Variants in PMFBP1 observed in about 807,000 individuals in gnomAD.
PMFBP1 encodes polyamine-modulated factor 1-binding protein 1.
Under a neutral mutation model 137.8 loss-of-function variants are expected in PMFBP1, and 131 were observed. That is an observed-to-expected ratio of 0.95 (90% confidence interval 0.82 to 1.10). The LOEUF is 1.10. Ranked by LOEUF, PMFBP1 falls within the 50% of genes least tolerant of loss-of-function variation. The pLI is 0.00. For missense variants in PMFBP1, 1,199 were observed against 1,175.4 expected (o/e 1.02, Z -0.29); for synonymous variants, 490 against 450.4 (o/e 1.09, Z -1.11).
Position 72,129,182 on chromosome 16 carries a change from C to T in PMFBP1, c.1834G>A (p.Ala612Thr). The change falls in exon 13 of 21, where the codon GCC becomes ACC. Residue 612 changes from alanine (A) to threonine (T), a missense_variant. Ala to Thr is a moderately conservative substitution (Grantham distance 58). Transcript: ENST00000237353. Reference protein sequence around the residue: ...KCKLEEDLQEATKLLEDKREQ... With the variant: ...KCKLEEDLQETTKLLEDKREQ... ...CGTTTGTCCTCCAGAAGCTTTGTGG[C>T]CTCCTGAAGATCTTCTTCTAACTTG... is the stretch of plus-strand genomic sequence containing the variant. The T allele has an allele frequency of 6.2e-7, 1 of 1,614,096 alleles. No individual in the cohort carries two copies. The highest frequency in any genetic ancestry group is 8.5e-7 in the Non-Finnish European group (1 of 1,180,054).
the PMFBP1 span, among the ~76,000 whole-genome samples, chr16:72,229,450 G>C: frequency 6.6e-6 from 1 of 152,172 alleles, no homozygotes; most frequent in Non-Finnish European, 1.5e-5. Flanking sequence ...CACAAGGGCT[G>C]AACTAATTTA....
chr16:72,211,534 A>T, the PMFBP1 span, among the ~76,000 whole-genome samples: 2 of 152,194 alleles, frequency 1.3e-5, no homozygotes, highest in African/African-American at 4.8e-5. Flanking sequence ...AAACCTCTGA[A>T]TGAAAGGAAA....
the PMFBP1 span, among the ~76,000 whole-genome samples, chr16:72,237,645 A>G: frequency 3.3e-5 from 5 of 151,786 alleles, no homozygotes; most frequent in Admixed American, 6.6e-5. Context: ...TCTTTTTTTT[A>G]AAAAAACTTT....
upstream of PMFBP1, among the ~76,000 whole-genome samples, chr16:72,175,124 A>G (rs2043253623): frequency 6.6e-6 from 1 of 152,246 alleles, no homozygotes; most frequent in South Asian, 2.1e-4. Context: ...AAGAGGACAG[A>G]ATGCTCACTT....
the PMFBP1 span, among the ~76,000 whole-genome samples, chr16:72,185,030 T>TC: frequency 6.6e-6 from 1 of 151,324 alleles, no homozygotes; most frequent in East Asian, 1.9e-4. Flanking sequence ...CTGTTTTCTT[T>TC]TTTTTTTTTT....
the PMFBP1 span, among the ~76,000 whole-genome samples, chr16:72,198,747 T>A: frequency 6.6e-6 from 1 of 152,120 alleles, no homozygotes; most frequent in South Asian, 2.1e-4. Context: ...GGCAAACCCG[T>A]GGATCGGTGA....
At chr16:72,162,055 T>C (rs1221464614) in intron 3 of PMFBP1, among the ~76,000 whole-genome samples, 6 of 152,252 alleles carry the variant, frequency 3.9e-5, no homozygotes, top group Middle Eastern at 3.2e-3. Flanking sequence ...GAATGGAGCC[T>C]GGGAAAATTG....
At chr16:72,119,635 A>AG in intron 20 of PMFBP1, 2 of 1,443,770 alleles carry the variant, frequency 1.4e-6, no homozygotes, top group East Asian at 5.0e-5. Flanking sequence ...CTGAGATGTG[A>AG]GGCACTTGGG....
chr16:72,183,073 G>A, the PMFBP1 span, among the ~76,000 whole-genome samples: 2 of 152,150 alleles, frequency 1.3e-5, no homozygotes, highest in Admixed American at 6.5e-5. Context: ...TGGCCCCTGA[G>A]GCTTGGAGGT....
the PMFBP1 span, among the ~76,000 whole-genome samples, chr16:72,191,713 A>C: frequency 6.6e-6 from 1 of 152,076 alleles, no homozygotes; most frequent in Non-Finnish European, 1.5e-5. Context: ...GTTCTCCAGC[A>C]GGGAGGAGTT....
At chr16:72,180,669 T>C (rs537530519), upstream of PMFBP1, among the ~76,000 whole-genome samples, 1 of 142,580 alleles carries the variant, frequency 7.0e-6, no homozygotes, top group Non-Finnish European at 1.5e-5. Flanking sequence ...AGATCAATAG[T>C]AAAAAAAAAA....
the PMFBP1 span, among the ~76,000 whole-genome samples, chr16:72,227,191 G>A: frequency 6.6e-6 from 1 of 152,222 alleles, no homozygotes; most frequent in East Asian, 1.9e-4. Flanking sequence ...ATTCAGAGAC[G>A]TTAACTTCAA....
the PMFBP1 span, among the ~76,000 whole-genome samples, chr16:72,208,210 G>A: frequency 6.6e-6 from 1 of 152,200 alleles, no homozygotes; most frequent in Non-Finnish European, 1.5e-5. Flanking sequence ...GCCCAATCGA[G>A]CTGATACATA....
At chr16:72,227,703 C>A in the PMFBP1 span, among the ~76,000 whole-genome samples, 1 of 152,136 alleles carries the variant, frequency 6.6e-6, no homozygotes, top group Non-Finnish European at 1.5e-5. Flanking sequence ...GAATTCCAAT[C>A]CCACCCCTCT....
intron 2 of PMFBP1, among the ~76,000 whole-genome samples, chr16:72,170,700 G>GA (rs2043208650): frequency 6.6e-6 from 1 of 152,098 alleles, no homozygotes; most frequent in Admixed American, 6.5e-5. Context: ...CCAAAGTGCT[G>GA]GGATTACAGG....
At position 72,150,701 on chromosome 16, in the gene PMFBP1, G is replaced by A. The variant is rs769821241; in HGVS notation, c.543C>T (p.Tyr181=). ...IASLERSLNL[Y]RDKYQSSLSN... ...TCAGGGAAGACTGGTATTTATCCCT[G>A]TAGAGGTTTAAGCTCCTCTCTAGAG... Residue 181 remains tyrosine, a synonymous_variant, in exon 5 of 21, where the codon TAC becomes TAT. Coordinates refer to ENST00000237353, the MANE Select transcript of PMFBP1 (RefSeq NM_031293.3). The A allele has an allele frequency of 6.2e-7, 1 of 1,614,172 alleles. No homozygotes were observed. Among genetic ancestry groups the A allele is most frequent in the Non-Finnish European group, 8.5e-7 (1 of 1,180,024 alleles).
chr16:72,214,191 TC>T, the PMFBP1 span, among the ~76,000 whole-genome samples: 1 of 152,098 alleles, frequency 6.6e-6, no homozygotes, highest in South Asian at 2.1e-4. Context: ...CTCTTGTTCT[TC>T]ATTATAAGTT....
chr16:72,154,919 C>T (rs187662441), intron 3 of PMFBP1, among the ~76,000 whole-genome samples: 7 of 152,208 alleles, frequency 4.6e-5, no homozygotes, highest in Admixed American at 2.6e-4. Flanking sequence ...GATTTTGAAA[C>T]GCTGAAAAAT....
intron 4 of PMFBP1, 81 bp downstream of exon 4, chr16:72,154,130 C>G (rs1487509112): frequency 9.1e-6 from 14 of 1,536,034 alleles, no homozygotes; most frequent in Admixed American, 1.9e-5. Context: ...CTAAGTCCAG[C>G]GTCTGCTTTC....
Sources: allele counts gnomAD v4.1 joint callset (sites outside exome capture counted in the v4.1 genomes callset), GRCh38; gene constraint gnomAD v4.1.1; transcripts MANE v1.5; gene names NCBI Gene and HGNC (gene_info 2026-07-23, HGNC 2026-07-21).